MAP4K5: variants seen among roughly 807,000 people sequenced by gnomAD.
MAP4K5 encodes mitogen-activated protein kinase kinase kinase kinase 5, also known as MAPK/ERK kinase kinase kinase 5.
In MAP4K5, 82 loss-of-function variants were observed where a neutral mutation model predicts 135.6. The observed-to-expected ratio is 0.60, with a 90% CI of 0.51 to 0.73. The LOEUF is 0.73. Among genes scored for constraint, MAP4K5 ranks in the 30% least tolerant of loss-of-function variants. MAP4K5 has a pLI of 0.00. For missense variants in MAP4K5, 907 were observed against 1,010.9 expected (o/e 0.90, Z 1.39); for synonymous variants, 347 against 335.0 (o/e 1.04, Z -0.39).
At chr14:50,472,411 A>G (rs967092226) in intron 9 of MAP4K5, 3 of 152,194 alleles carry the variant, frequency 2.0e-5, no homozygotes, top group Non-Finnish European at 4.4e-5. Context: ...GAGAATAACC[A>G]TATGTATATG....
At chr14:50,517,895 GA>G (rs1302648452) in intron 2 of MAP4K5, among the ~76,000 whole-genome samples, 1 of 152,262 alleles carries the variant, frequency 6.6e-6, no homozygotes, top group East Asian at 1.9e-4. Flanking sequence ...ATCATTTTGG[GA>G]AAAAGAAAGG....
chr14:50,480,765 A>G (rs1434578556), intron 6 of MAP4K5, among the ~76,000 whole-genome samples: 1 of 152,214 alleles, frequency 6.6e-6, no homozygotes, highest in African/African-American at 2.4e-5. Context: ...CACATAGCCT[A>G]CTAAACACCT....
chr14:50,434,890 T>C, intron 27 of MAP4K5, 72 bp downstream of exon 27: 1 of 844,144 alleles, frequency 1.2e-6, no homozygotes. Flanking sequence ...AGTATTGGGA[T>C]CTGCTAATTT....
At chr14:50,506,644 C>G (rs1407513318) in intron 2 of MAP4K5, among the ~76,000 whole-genome samples, 1 of 152,158 alleles carries the variant, frequency 6.6e-6, no homozygotes, top group African/African-American at 2.4e-5. Flanking sequence ...AGTGAACCAC[C>G]AGGCCTGGCA....
chr14:50,515,299 G>A (rs764948547), intron 2 of MAP4K5, among the ~76,000 whole-genome samples: 2 of 151,948 alleles, frequency 1.3e-5, no homozygotes, highest in African/African-American at 4.8e-5. Context: ...TTCAATATCC[G>A]GAACTACTCT....
intron 10 of MAP4K5, among the ~76,000 whole-genome samples, chr14:50,467,779 G>T (rs900080617): frequency 2.0e-5 from 3 of 152,012 alleles, no homozygotes; most frequent in African/African-American, 7.2e-5. Flanking sequence ...CTAAAAGTAG[G>T]TATCTTTTAA....
chr14:50,548,851 C>A (rs542328479), intron 1 of MAP4K5, among the ~76,000 whole-genome samples: 1 of 152,202 alleles, frequency 6.6e-6, no homozygotes, highest in South Asian at 2.1e-4. Flanking sequence ...ACTATACAGT[C>A]CTAGAGCAAC....
intron 1 of MAP4K5, among the ~76,000 whole-genome samples, chr14:50,557,585 A>T (rs1380949361): frequency 6.6e-6 from 1 of 152,226 alleles, no homozygotes; most frequent in Non-Finnish European, 1.5e-5. Context: ...TCAACCACTC[A>T]TCTATATGTG....
chr14:50,428,568 T>C, intron 30 of MAP4K5, 94 bp downstream of exon 30: 1 of 681,478 alleles, frequency 1.5e-6, no homozygotes, highest in Non-Finnish European at 2.4e-6. Flanking sequence ...GAAATTTCTG[T>C]GAGACAGTGC....
chr14:50,504,702 C>A, intron 3 of MAP4K5, 98 bp downstream of exon 3: 1 of 833,840 alleles, frequency 1.2e-6, no homozygotes, highest in Non-Finnish European at 1.9e-6. Flanking sequence ...ATTCTACTGA[C>A]CTGATAGAAC....
At chr14:50,459,799 G>C (rs967299923) in intron 13 of MAP4K5, among the ~76,000 whole-genome samples, 1 of 151,696 alleles carries the variant, frequency 6.6e-6, no homozygotes, top group African/African-American at 2.4e-5. Context: ...CCAGACTCAA[G>C]CGATTTTCCA....
chr14:50,463,901 A>T, intron 12 of MAP4K5, 151 bp downstream of exon 12: 2 of 6,236 alleles, frequency 3.2e-4, no homozygotes, highest in South Asian at 7.1e-3. Context: ...CAAAAAAAAA[A>T]AAAAAAAAAA....
intron 32 of MAP4K5, among the ~76,000 whole-genome samples, chr14:50,422,459 T>G (rs1372655516): frequency 2.0e-5 from 3 of 152,102 alleles, no homozygotes; most frequent in East Asian, 3.9e-4. Context: ...TCAGGACTAA[T>G]GCATACCACT....
rs146777113 is a variant in MAP4K5 at position 50,555,431 on chromosome 14, G to A, written c.-180+5609C>T. On this transcript the variant is annotated intron_variant, in intron 1 of 8. Coordinates refer to the MAP4K5 transcript ENST00000555216. ...TGAGTAGCTGGGACTACAGGTGCAC[G>A]CCACCCGTCCCGGCTAATTTTTTGT... 6.1e-3 allele frequency among the ~76,000 whole-genome samples: 927 copies of A among 152,168 alleles called. 13 individuals carry two copies. Among genetic ancestry groups the A allele is most frequent in the African/African-American group, 0.02 (845 of 41,508 alleles).
intron 1 of MAP4K5, among the ~76,000 whole-genome samples, chr14:50,550,588 G>T (rs1566709498): frequency 6.6e-6 from 1 of 152,226 alleles, no homozygotes; most frequent in Non-Finnish European, 1.5e-5. Flanking sequence ...ACTAGGGATT[G>T]TCTCTGCAGG....
chr14:50,432,446 C>A (rs1465301784), intron 28 of MAP4K5, among the ~76,000 whole-genome samples: 1 of 151,744 alleles, frequency 6.6e-6, no homozygotes, highest in Non-Finnish European at 1.5e-5. Flanking sequence ...GCCTTGACCC[C>A]AGGTCAGACA....
intron 2 of MAP4K5, 71 bp from the exon 3 acceptor site, chr14:50,504,928 T>C (rs1420379520): frequency 2.2e-6 from 2 of 907,502 alleles, no homozygotes; most frequent in Non-Finnish European, 3.3e-6. Context: ...TACTTGGTAC[T>C]ATGTTAATTG....
intron 9 of MAP4K5, among the ~76,000 whole-genome samples, chr14:50,474,020 C>G (rs554926027): frequency 6.6e-6 from 1 of 152,186 alleles, no homozygotes; most frequent in East Asian, 1.9e-4. Flanking sequence ...TTGACTATTT[C>G]CACATACGAT....
chr14:50,513,882 C>T (rs1430630959), intron 2 of MAP4K5, among the ~76,000 whole-genome samples: 1 of 152,158 alleles, frequency 6.6e-6, no homozygotes, highest in Non-Finnish European at 1.5e-5. Flanking sequence ...GACTGCTTCT[C>T]AGAGTCATAA....
Sources: gnomAD v4.1 joint callset for allele counts (sites outside exome capture counted in the v4.1 genomes callset) on GRCh38, gnomAD v4.1.1 for gene constraint, MANE v1.5 for transcripts, NCBI Gene and HGNC (gene_info 2026-07-23, HGNC 2026-07-21) for gene names.